E2F8: variants seen among roughly 807,000 people sequenced by gnomAD.
E2F8 encodes the protein transcription factor E2F8.
Under a neutral mutation model 80.8 loss-of-function variants are expected in E2F8, and 35 were observed. The observed-to-expected ratio is 0.43, with a 90% CI of 0.33 to 0.57. The LOEUF (loss-of-function observed/expected upper bound fraction) is 0.57, where lower values mean the gene tolerates loss of function less well. E2F8 is among the 20% of genes least tolerant of loss of function. E2F8 has a pLI of 0.04. For synonymous variants in E2F8, 386 were observed against 395.0 expected (o/e 0.98, Z 0.27); for missense variants, 975 against 1,056.2 (o/e 0.92, Z 1.07).
chr11:19,236,586 A>G (rs1851524919), intron 4 of E2F8, among the ~76,000 whole-genome samples: 1 of 152,248 alleles, frequency 6.6e-6, no homozygotes, highest in Non-Finnish European at 1.5e-5. Flanking sequence ...TGAAAAGTAG[A>G]TGAATCTAAA....
chr11:19,230,357 G>C (rs768539445), intron 8 of E2F8, 29 bp from the exon 9 acceptor site: 1 of 1,595,632 alleles, frequency 6.3e-7, no homozygotes, highest in Non-Finnish European at 8.6e-7. Context: ...AGAGAGCACC[G>C]GTCAAAGCTA....
Position 19,237,847 on chromosome 11 carries a change from A to T in E2F8, c.294+7T>A, listed in dbSNP as rs767270240. 1 of 1,604,074 alleles carries T rather than the reference A, an allele frequency of 6.2e-7. No homozygotes were observed. Among genetic ancestry groups the T allele is most frequent in the South Asian group, 1.1e-5 (1 of 90,260 alleles). ...CCCAGCCTCCAACCAGTCCTCTGAA[A>T]ACCTACGTGTATACAGTCTTTGGCC... On this transcript the variant is annotated splice_region_variant and intron_variant, in intron 3 of 12. Transcript: ENST00000250024.
chr11:19,240,343 A>G (rs1429483308), intron 1 of E2F8, 113 bp from the exon 2 acceptor site: 4 of 339,212 alleles, frequency 1.2e-5, no homozygotes, highest in Non-Finnish European at 2.2e-5. Flanking sequence ...GAAAAATGAC[A>G]AACTAGATTT....
chr11:19,237,949 T>A lies in E2F8; in HGVS notation c.199A>T (p.Ile67Phe). 6.2e-7 allele frequency: 1 copy of A among 1,614,154 alleles called. No individual in the cohort carries two copies. Among genetic ancestry groups the A allele is most frequent in the South Asian group, 1.1e-5 (1 of 91,088 alleles). The change falls in exon 3 of 13, where the codon ATC (isoleucine) becomes TTC (phenylalanine). Residue 67 changes from isoleucine (I) to phenylalanine (F), a missense_variant. Ile to Phe is a conservative substitution (Grantham distance 21). Coordinates refer to ENST00000250024, the MANE Select transcript of E2F8 (RefSeq NM_024680.4). ...CGGATCTCAGGGCTCACAGCACTGATGAGCATTTTCAGGTTGGCTGTCGGT... is the reference window on the plus strand; with the variant it reads ...CGGATCTCAGGGCTCACAGCACTGAAGAGCATTTTCAGGTTGGCTGTCGGT... ...WTPTANLKML[I>F]SAVSPEIRNR...
Position 19,224,485 on chromosome 11 carries a change from G to T in E2F8, c.*173C>A. ...TACAAATATATGTGTGTGTGTGTGTGTGTGTGTGTGTGTATATATATATAT... is the reference window on the plus strand; with the variant it reads ...TACAAATATATGTGTGTGTGTGTGTTTGTGTGTGTGTGTATATATATATAT... On this transcript the variant is annotated 3_prime_UTR_variant, in exon 13 of 13. Coordinates refer to ENST00000250024, the MANE Select transcript of E2F8 (RefSeq NM_024680.4). 1.9e-6 allele frequency: 1 copy of T among 539,036 alleles called. No homozygotes were observed. The allele number at this position is 539,036 out of a possible 1,614,324, so 33.4% of individuals were successfully genotyped here. A position where few individuals can be genotyped will look rare whatever the true frequency, so the allele number is the denominator to read the frequency against.
chr11:19,224,875 A>G (rs1851188099), intron 12 of E2F8, 35 bp from the exon 13 acceptor site: 1 of 1,610,708 alleles, frequency 6.2e-7, no homozygotes, highest in Admixed American at 1.7e-5. Flanking sequence ...AAAAGAAGTC[A>G]ACCACACACA....
At position 19,234,962 on chromosome 11, in the gene E2F8, C is replaced by A. The variant is rs139051908; in HGVS notation, c.548G>T (p.Arg183Leu). The A allele has an allele frequency of 1.2e-4, 191 of 1,614,198 alleles. No homozygotes were observed. The highest frequency in any genetic ancestry group is 1.3e-4 in the Non-Finnish European group (155 of 1,180,034). ...GCCAAGGGTTTTGTTGAGATTGTGT[C>A]GCCCGTGCCAAGTGTACCTGTTTTT... ...LAKNRYTWHG[R>L]HNLNKTLGTL... Residue 183 changes from arginine (R) to leucine (L), a missense_variant, in exon 5 of 13, where the codon CGA becomes CTA. By Grantham distance (102) the Arg-to-Leu change is moderately radical (BLOSUM62 -2). Transcript: ENST00000250024.
intron 6 of E2F8, 38 bp downstream of exon 6, chr11:19,234,322 G>T: frequency 1.9e-6 from 3 of 1,607,624 alleles, no homozygotes; most frequent in Non-Finnish European, 2.5e-6. Context: ...TATTGTTTAA[G>T]AATAGGTTCA....
At chr11:19,237,272 C>T in intron 4 of E2F8, 42 bp downstream of exon 4, 2 of 1,604,968 alleles carry the variant, frequency 1.2e-6, no homozygotes, top group Non-Finnish European at 1.7e-6. Flanking sequence ...CATAAAGCCA[C>T]TTTAATTATT....
chr11:19,230,693 C>G lies in E2F8; in HGVS notation c.1208G>C (p.Ser403Thr). Residue 403 changes from serine to threonine, a missense_variant, in exon 8 of 13, where the codon AGT becomes ACT. By Grantham distance (58) the Ser-to-Thr change is moderately conservative. Coordinates refer to ENST00000250024, the MANE Select transcript of E2F8 (RefSeq NM_024680.4). Reference protein sequence around the residue: ...RHPSLIKLVKSIESDRRKINS... With the variant: ...RHPSLIKLVKTIESDRRKINS... ...TATCTTTCTCCGATCACTTTCTATA[C>G]TCTTTACCAATTTGATAAGAGATGG... is the stretch of plus-strand genomic sequence containing the variant. 2 of 1,614,166 alleles carry G rather than the reference C, an allele frequency of 1.2e-6. No homozygotes were observed. Among genetic ancestry groups the G allele is most frequent in the Non-Finnish European group, 1.7e-6 (2 of 1,180,028 alleles).
Position 19,240,165 on chromosome 11 carries a change from T to C in E2F8, c.-44A>G. 1 of 1,407,152 alleles carries C rather than the reference T, an allele frequency of 7.1e-7. No homozygotes were observed. Among genetic ancestry groups the C allele is most frequent in the Non-Finnish European group, 9.6e-7 (1 of 1,046,384 alleles). The allele number at this position is 1,407,152 out of a possible 1,614,324, so 87.2% of individuals were successfully genotyped here. A position where few individuals can be genotyped will look rare whatever the true frequency, so the allele number is the denominator to read the frequency against. ...ATTTAGAGTTTAAAAATGAAAAATC[T>C]GGAGTTCCTCCCCAAATCCCGATGG... On this transcript the variant is annotated 5_prime_UTR_variant, in exon 2 of 13. Coordinates refer to ENST00000250024, the MANE Select transcript of E2F8 (RefSeq NM_024680.4).
intron 10 of E2F8, 60 bp from the exon 11 acceptor site, chr11:19,225,924 G>T: frequency 6.4e-7 from 1 of 1,567,878 alleles, no homozygotes; most frequent in Non-Finnish European, 8.6e-7. Flanking sequence ...AAATGGCCAC[G>T]TGCCTCTTTC....
Position 19,237,971 on chromosome 11 carries a change from C to T in E2F8, c.177G>A (p.Pro59=), listed in dbSNP as rs151240124. The T allele has an allele frequency of 9.9e-6, 16 of 1,614,016 alleles. No individual in the cohort carries two copies. The African/African-American group carries it at 1.2e-4, about 12-fold the overall frequency. ...KEGSQGEPWT[P]TANLKMLISA... ...TGATGAGCATTTTCAGGTTGGCTGT[C>T]GGTGTCCACGGCTCTCCCTGAGAGC... Residue 59 remains proline (P), a synonymous_variant, in exon 3 of 13, where the codon CCG becomes CCA. Coordinates refer to ENST00000250024, the MANE Select transcript of E2F8 (RefSeq NM_024680.4).
chr11:19,235,577 A>T (rs1231450404), intron 4 of E2F8, among the ~76,000 whole-genome samples: 1 of 152,036 alleles, frequency 6.6e-6, no homozygotes, highest in Non-Finnish European at 1.5e-5. Flanking sequence ...TGAACCCGGG[A>T]GGCGGAGCTT....
At chr11:19,239,493 A>C (rs534929129) in intron 2 of E2F8, among the ~76,000 whole-genome samples, 44 of 152,234 alleles carry the variant, frequency 2.9e-4, no homozygotes, top group Middle Eastern at 3.4e-3. Flanking sequence ...GACACCCCCC[A>C]CAGACAATTC....
chr11:19,224,857 G>A lies in E2F8; in HGVS notation c.2422-17C>T. On this transcript the variant is annotated splice_polypyrimidine_tract_variant and intron_variant, in intron 12 of 12. Coordinates refer to ENST00000250024, the MANE Select transcript of E2F8 (RefSeq NM_024680.4). ...AGGAACAGGCTGATTGGAAAGAGAA[G>A]AATGGACAAAAGAAGTCAACCACAC... 6.2e-7 allele frequency: 1 copy of A among 1,613,726 alleles called. No individual in the cohort carries two copies. Among genetic ancestry groups the A allele is most frequent in the East Asian group, 2.2e-5 (1 of 44,880 alleles).
intron 3 of E2F8, 44 bp downstream of exon 3, chr11:19,237,810 C>A: frequency 6.4e-7 from 1 of 1,573,164 alleles, no homozygotes; most frequent in Non-Finnish European, 8.6e-7. Context: ...CCCCCCTCCC[C>A]CCAACAAATT....
chr11:19,230,356 C>G, intron 8 of E2F8, 28 bp from the exon 9 acceptor site: 1 of 1,596,452 alleles, frequency 6.3e-7, no homozygotes, highest in Non-Finnish European at 8.6e-7. Flanking sequence ...AAGAGAGCAC[C>G]GGTCAAAGCT....
rs558811598 is a variant in E2F8, at chr11:19,238,425, T to G, written c.16-293A>C. ...AGGACTTATAATTTTAATTGTATTTTGAAATAGTTTTAGATTTAGAGAAGA... is the reference window on the plus strand; with the variant it reads ...AGGACTTATAATTTTAATTGTATTTGGAAATAGTTTTAGATTTAGAGAAGA... On this transcript the variant is annotated intron_variant, in intron 2 of 12. Coordinates refer to ENST00000250024, the MANE Select transcript of E2F8 (RefSeq NM_024680.4). Among the ~76,000 whole-genome samples the G allele has an allele frequency of 1.0e-4, 16 of 152,390 alleles. No homozygotes were observed. In the South Asian group the frequency reaches 3.1e-3, roughly 30 times the overall value.
Sources: gnomAD v4.1 joint callset for allele counts (sites outside exome capture counted in the v4.1 genomes callset) on GRCh38, gnomAD v4.1.1 for gene constraint, MANE v1.5 for transcripts, NCBI Gene and HGNC (gene_info 2026-07-23, HGNC 2026-07-21) for gene names.